ARNT2: variants seen among roughly 807,000 people sequenced by gnomAD.
The protein encoded by ARNT2 is ARNT protein 2.
A neutral mutation model predicts 91.7 loss-of-function variants in ARNT2; 36 were observed. The observed-to-expected ratio is 0.39, with a 90% CI of 0.30 to 0.52. ARNT2 has a LOEUF of 0.52. ARNT2 is among the 20% of genes least tolerant of loss of function. The pLI, the probability that ARNT2 is intolerant of heterozygous loss-of-function variation, is 0.72. For synonymous variants in ARNT2, 365 were observed against 347.1 expected, an observed-to-expected ratio of 1.05 and a Z score of -0.57; for missense variants, 775 against 939.3, an observed-to-expected ratio of 0.83 and a Z score of 2.29.
chr15:80,513,773 T>C (rs1490272530), intron 6 of ARNT2, 138 bp from the exon 7 acceptor site: 6 of 674,076 alleles, frequency 8.9e-6, no homozygotes, highest in Non-Finnish European at 1.3e-5. Context: ...TTCTGCACTT[T>C]TGAAGAAAAT....
At chr15:80,419,272 A>G (rs535937776) in intron 1 of ARNT2, among the ~76,000 whole-genome samples, 3 of 152,286 alleles carry the variant, frequency 2.0e-5, no homozygotes, top group African/African-American at 7.2e-5. Flanking sequence ...TGATGCTGGT[A>G]CTGCTGGCCC....
Position 80,449,477 on chromosome 15 carries a change from T to C in ARNT2, c.32-1403T>C, listed in dbSNP as rs530725205. 9.2e-5 allele frequency among the ~76,000 whole-genome samples: 14 copies of C among 152,288 alleles called. No homozygotes were observed. In the South Asian group the frequency reaches 2.7e-3, roughly 29 times the overall value. On this transcript the variant is annotated intron_variant, in intron 1 of 18. Coordinates refer to ENST00000303329, the MANE Select transcript of ARNT2 (RefSeq NM_014862.4). ...TCTAGCTGTCACAAACTCAGTTGTC[T>C]AAAGGGGAGAGAATTACTTTAAGAG...
rs1234280266 is a variant in ARNT2 at position 80,597,426 on chromosome 15, T to G, written c.*3728T>G. 2 of 370,038 alleles carry G rather than the reference T, an allele frequency of 5.4e-6. No homozygotes were observed. The highest frequency in any genetic ancestry group is 4.2e-5 in the African/African-American group (2 of 47,218). 22.9% of individuals were successfully genotyped at this position (370,038 alleles called of 1,614,324 possible). ...CTGTCTCCTAACCTGCCGGGGTCATTCCCCACCAAACACCCCATACTAAGG... is the reference window on the plus strand; with the variant it reads ...CTGTCTCCTAACCTGCCGGGGTCATGCCCCACCAAACACCCCATACTAAGG... On this transcript the variant is annotated 3_prime_UTR_variant, in exon 19 of 19. Transcript: ENST00000303329.
At chr15:80,524,962 T>G (rs1340933935) in intron 8 of ARNT2, among the ~76,000 whole-genome samples, 3 of 152,200 alleles carry the variant, frequency 2.0e-5, no homozygotes, top group Non-Finnish European at 4.4e-5. Context: ...CAATTTTATT[T>G]TTAAATTATA....
At chr15:80,429,851 A>T (rs1430657228) in intron 1 of ARNT2, among the ~76,000 whole-genome samples, 1 of 152,184 alleles carries the variant, frequency 6.6e-6, no homozygotes, top group African/African-American at 2.4e-5. Flanking sequence ...CCCCTGCCCA[A>T]CTAAGCTCTG....
At chr15:80,550,925 G>A (rs1209243873) in intron 8 of ARNT2, among the ~76,000 whole-genome samples, 1 of 152,262 alleles carries the variant, frequency 6.6e-6, no homozygotes, top group African/African-American at 2.4e-5. Context: ...AGTTGTACAA[G>A]TGTACAGAAT....
chr15:80,560,585 C>T (rs1297035547), intron 11 of ARNT2, among the ~76,000 whole-genome samples: 6 of 152,152 alleles, frequency 3.9e-5, no homozygotes, highest in Non-Finnish European at 7.3e-5. Flanking sequence ...CTGTCTCGGG[C>T]GTTCTAGTTA....
chr15:80,593,518 G>A (rs917573257), intron 18 of ARNT2, 82 bp from the exon 19 acceptor site: 2 of 1,163,322 alleles, frequency 1.7e-6, no homozygotes, highest in Non-Finnish European at 2.5e-6. Flanking sequence ...GAGGGTGAGT[G>A]CAGACTGGGC....
At chr15:80,441,340 C>G (rs1053900719) in intron 1 of ARNT2, 1 of 985,214 alleles carries the variant, frequency 1.0e-6, no homozygotes, top group Non-Finnish European at 1.2e-6. Context: ...AGGTGTTGGT[C>G]ACAAGGAAGA....
intron 15 of ARNT2, among the ~76,000 whole-genome samples, chr15:80,577,469 A>C (rs891787956): frequency 6.6e-6 from 1 of 152,212 alleles, no homozygotes; most frequent in African/African-American, 2.4e-5. Context: ...TAGGTCACTG[A>C]GGAAGCCCTG....
At chr15:80,554,393 G>C (rs1898139345) in intron 10 of ARNT2, among the ~76,000 whole-genome samples, 1 of 152,172 alleles carries the variant, frequency 6.6e-6, no homozygotes, top group South Asian at 2.1e-4. Flanking sequence ...TGGGGGACAA[G>C]AGTGAAACTC....
At chr15:80,498,368 G>A (rs539588370) in intron 5 of ARNT2, among the ~76,000 whole-genome samples, 1 of 152,156 alleles carries the variant, frequency 6.6e-6, no homozygotes, top group Non-Finnish European at 1.5e-5. Flanking sequence ...CTTGGTGTGG[G>A]ATTCATCTCT....
At chr15:80,446,945 A>C (rs1216857546) in intron 1 of ARNT2, among the ~76,000 whole-genome samples, 2 of 152,222 alleles carry the variant, frequency 1.3e-5, no homozygotes, top group African/African-American at 4.8e-5. Context: ...TTTAAAAAGT[A>C]TTATTCTATT....
At chr15:80,502,875 C>T (rs1008145673) in intron 5 of ARNT2, among the ~76,000 whole-genome samples, 1 of 151,990 alleles carries the variant, frequency 6.6e-6, no homozygotes, top group African/African-American at 2.4e-5. Flanking sequence ...CCAGGGTGGC[C>T]GGTTGTTTAG....
chr15:80,575,469 G>A (rs1393102351), intron 14 of ARNT2, among the ~76,000 whole-genome samples: 4 of 152,214 alleles, frequency 2.6e-5, no homozygotes, highest in African/African-American at 7.2e-5. Context: ...AGGGAGAACT[G>A]TCACATTGGA....
chr15:80,558,901 T>C (rs914454721), intron 11 of ARNT2, among the ~76,000 whole-genome samples: 3 of 152,240 alleles, frequency 2.0e-5, no homozygotes, highest in Non-Finnish European at 4.4e-5. Flanking sequence ...TGTGGGTTAA[T>C]GGAAATGGAG....
chr15:80,432,557 C>T (rs998260442), intron 1 of ARNT2, among the ~76,000 whole-genome samples: 3 of 152,154 alleles, frequency 2.0e-5, no homozygotes, highest in South Asian at 2.1e-4. Context: ...ATAACTGCAG[C>T]GTTGAGTAGT....
At chr15:80,503,534 G>A (rs1032132453) in intron 5 of ARNT2, among the ~76,000 whole-genome samples, 1 of 152,202 alleles carries the variant, frequency 6.6e-6, no homozygotes, top group East Asian at 1.9e-4. Context: ...GTGCTACGCA[G>A]CTGGGATTTA....
At chr15:80,429,275 C>T (rs565186524) in intron 1 of ARNT2, among the ~76,000 whole-genome samples, 1 of 152,274 alleles carries the variant, frequency 6.6e-6, no homozygotes, top group Admixed American at 6.5e-5. Context: ...AGGGTTGAAG[C>T]TTTCAGCCCC....
Sources: gnomAD v4.1 joint callset for allele counts (sites outside exome capture counted in the v4.1 genomes callset) on GRCh38, gnomAD v4.1.1 for gene constraint, MANE v1.5 for transcripts, NCBI Gene and HGNC (gene_info 2026-07-23, HGNC 2026-07-21) for gene names.